The following RFPL2 variants were observed in gnomAD, a reference collection of about 807,000 sequenced individuals.
RFPL2 encodes the protein ret finger protein-like 2.
A neutral mutation model predicts 17.8 loss-of-function variants in RFPL2; 13 were observed. The ratio of observed to expected loss-of-function variants is 0.73; its 90% CI spans 0.47 to 1.16. The LOEUF (loss-of-function observed/expected upper bound fraction) is 1.16. RFPL2 is among the 50% of genes most tolerant of loss of function. The probability of loss-of-function intolerance (pLI) is 0.00; values close to 1 mark genes in which losing one functional copy is unlikely to be tolerated. For missense variants in RFPL2, 431 were observed against 479.3 expected (o/e 0.90, Z 0.94); for synonymous variants, 189 against 180.9 (o/e 1.04, Z -0.36).
At chr22:32,198,627 G>A (rs1923605073) in intron 2 of RFPL2, among the ~76,000 whole-genome samples, 1 of 151,996 alleles carries the variant, frequency 6.6e-6, no homozygotes, top group Non-Finnish European at 1.5e-5. Flanking sequence ...AAGGTACTGA[G>A]AAATTTTCTA....
In RFPL2 at chr22:32,191,355, G is replaced by C; in HGVS notation, c.557-3C>G. ...GTTGGCATCCAAGGTCATATCCACT[G>C]TGAAAAGGAAAAAAAGTTGCTCAGC... On this transcript the variant is annotated splice_region_variant and splice_polypyrimidine_tract_variant and intron_variant, in intron 4 of 4. Transcript: ENST00000652607. 5 of 1,600,186 alleles carry C rather than the reference G, an allele frequency of 3.1e-6. No homozygotes were observed. Among genetic ancestry groups the C allele is most frequent in the Non-Finnish European group, 4.3e-6 (5 of 1,171,718 alleles).
chr22:32,193,763 T>C (rs1395215471), intron 3 of RFPL2, among the ~76,000 whole-genome samples: 1 of 148,390 alleles, frequency 6.7e-6, no homozygotes, highest in Non-Finnish European at 1.5e-5. Flanking sequence ...CTTGGGAGGC[T>C]GAGGCAGGAG....
intron 2 of RFPL2, among the ~76,000 whole-genome samples, chr22:32,195,277 T>C (rs1349145861): frequency 6.6e-6 from 1 of 152,240 alleles, no homozygotes; most frequent in East Asian, 1.9e-4. Context: ...ATATGATTCC[T>C]CATGGGATTA....
In RFPL2 at chr22:32,191,162, T is replaced by C; in HGVS notation, c.747A>G (p.Thr249=). ...AGACTCCCAGGTCCCATTCTGTGCT[T>C]GTTCCCACGTCCACCTCCCAGCAGT... The part of the protein sequence containing the change: ...GRHCWEVDVG[T]STEWDLGVCR... The change falls in exon 5 of 5, where the codon ACA becomes ACG. Residue 249 remains threonine, a synonymous_variant. Coordinates refer to ENST00000652607, the MANE Select transcript of RFPL2 (RefSeq NM_001394555.1). 1 of 1,613,934 alleles carries C rather than the reference T, an allele frequency of 6.2e-7. No individual in the cohort carries two copies. The highest frequency in any genetic ancestry group is 1.7e-4 in the Middle Eastern group (1 of 6,056).
chr22:32,193,265 A>G, intron 3 of RFPL2, 73 bp from the exon 4 acceptor site: 1 of 1,612,848 alleles, frequency 6.2e-7, no homozygotes. Flanking sequence ...ACAAGTGACA[A>G]CCTTTTCATG....
In RFPL2 at chr22:32,190,524, T is replaced by C. The variant is rs144366828; in HGVS notation, c.*248A>G. On this transcript the variant is annotated 3_prime_UTR_variant, in exon 5 of 5. Transcript: ENST00000652607. ...ATAAAAAAGTAAAGCATTTGGAAAT[T>C]GATCCCAGAATACAGGACATTTCTA... The C allele has an allele frequency of 3.9e-3, 1,453 of 372,936 alleles. 6 individuals carry two copies. The highest frequency in any genetic ancestry group is 5.6e-3 in the Admixed American group (126 of 22,624). The allele number at this position is 372,936 out of a possible 1,614,324, so 23.1% of individuals were successfully genotyped here. A position where few individuals can be genotyped will look rare whatever the true frequency, so the allele number is the denominator to read the frequency against.
Position 32,193,274 on chromosome 22 carries a change from T to C in RFPL2, c.266-82A>G, listed in dbSNP as rs767825444. The C allele has an allele frequency of 2.0e-5, 33 of 1,611,156 alleles. No homozygotes were observed. The Admixed American group carries it at 3.7e-4, about 18-fold the overall frequency. ...GTTGTGACAAGTGACAACCTTTTCA[T>C]GCATAGAGGTATTGTGTTCCAGCTT... On this transcript the variant is annotated intron_variant, in intron 3 of 4. Transcript: ENST00000652607.
intron 1 of RFPL2, chr22:32,203,462 C>T (rs114471370): frequency 0.016 from 2,496 of 152,124 alleles, 75 homozygotes; most frequent in African/African-American, 0.057. Flanking sequence ...GTACTCGCCG[C>T]GGCAGTGTAG....
Position 32,190,986 on chromosome 22 carries a change from A to T in RFPL2, c.923T>A (p.Ile308Asn). 1.2e-6 allele frequency: 2 copies of T among 1,610,788 alleles called. No individual in the cohort carries two copies. The highest frequency in any genetic ancestry group is 1.7e-4 in the Middle Eastern group (1 of 6,036). ...GTTCTGCATGCCCATATCCAGAAAA[A>T]TCCCCACTCGCTGTAACTTGCGGTC... The part of the protein sequence containing the change: ...FVDRKLQRVG[I>N]FLDMGMQNVS... The change falls in exon 5 of 5, where the codon ATT becomes AAT. Residue 308 changes from isoleucine to asparagine, a missense_variant. Ile to Asn is a moderately radical substitution (Grantham distance 149, BLOSUM62 -3). Coordinates refer to ENST00000652607, the MANE Select transcript of RFPL2 (RefSeq NM_001394555.1).
At chr22:32,202,244 C>T in intron 2 of RFPL2, 89 bp downstream of exon 2, 1 of 1,495,510 alleles carries the variant, frequency 6.7e-7, no homozygotes, top group African/African-American at 1.4e-5. Context: ...ACATCTCCTC[C>T]TCTCACTGTG....
intron 1 of RFPL2, among the ~76,000 whole-genome samples, 173 bp downstream of exon 1, chr22:32,204,534 C>T (rs1483375314): frequency 1.3e-5 from 2 of 152,260 alleles, no homozygotes; most frequent in Non-Finnish European, 2.9e-5. Flanking sequence ...AACCTGTCCC[C>T]CTCCCCGCCC....
rs926906001 is a variant in RFPL2, at chr22:32,190,698, G to A, written c.*74C>T. 9.3e-6 allele frequency: 13 copies of A among 1,393,502 alleles called. No individual in the cohort carries two copies. Among genetic ancestry groups the A allele is most frequent in the African/African-American group, 2.9e-5 (2 of 69,092 alleles). 86.3% of individuals were successfully genotyped at this position (1,393,502 alleles called of 1,614,324 possible). ...CCGTGACTTTGTATAATGCTTTTAC[G>A]AAGTAGAGCGTTCCTAAGTCTACCC... On this transcript the variant is annotated 3_prime_UTR_variant, in exon 5 of 5. Transcript: ENST00000652607.
chr22:32,191,102 C>T lies in RFPL2; in HGVS notation c.807G>A (p.Gln269=). The T allele has an allele frequency of 6.2e-7, 1 of 1,614,012 alleles. No individual in the cohort carries two copies. Among genetic ancestry groups the T allele is most frequent in the Non-Finnish European group, 8.5e-7 (1 of 1,179,874 alleles). Residue 269 remains glutamine, a synonymous_variant, in exon 5 of 5, where the codon CAG becomes CAA. Transcript: ENST00000652607. ...RESVHRKGRI[Q]LTTELGFWTV... ...TCCAGAATCCAAGCTCTGTGGTCAG[C>T]TGGATCCTCCCTTTGCGGTGAACAG...
intron 3 of RFPL2, among the ~76,000 whole-genome samples, chr22:32,194,097 TA>T (rs1248076120): frequency 1.3e-5 from 2 of 150,954 alleles, no homozygotes; most frequent in Non-Finnish European, 2.9e-5. Flanking sequence ...CACCAAAAAA[TA>T]AAAAAATAAA....
intron 2 of RFPL2, among the ~76,000 whole-genome samples, chr22:32,199,306 C>T (rs1057282841): frequency 5.9e-5 from 9 of 152,084 alleles, no homozygotes; most frequent in African/African-American, 2.2e-4. Context: ...ACCCCTAGAA[C>T]CAAGAACTCC....
chr22:32,204,602 T>C (rs1288575556), intron 1 of RFPL2, among the ~76,000 whole-genome samples, 105 bp downstream of exon 1: 1 of 152,194 alleles, frequency 6.6e-6, no homozygotes, highest in Non-Finnish European at 1.5e-5. Context: ...TTCTACATTC[T>C]GGCTGCGGTC....
chr22:32,197,298 G>GC (rs1923431578), intron 2 of RFPL2, among the ~76,000 whole-genome samples: 1 of 152,118 alleles, frequency 6.6e-6, no homozygotes, highest in South Asian at 2.1e-4. Flanking sequence ...ACCCTGCATA[G>GC]CCCGGGACTG....
Position 32,204,892 on chromosome 22 carries a change from C to T in RFPL2, c.-285G>A, listed in dbSNP as rs528945125. On this transcript the variant is annotated 5_prime_UTR_variant, in exon 1 of 5. Transcript: ENST00000652607. Reference sequence around the variant, plus strand: ...ACGTTCTGACTGGATGACAGCAAGTCTTAGGATAACCAATCAGAACAAGAT... The same window carrying T: ...ACGTTCTGACTGGATGACAGCAAGTTTTAGGATAACCAATCAGAACAAGAT... Among the ~76,000 whole-genome samples, 1 of 152,206 alleles carries T rather than the reference C, an allele frequency of 6.6e-6. No homozygotes were observed. Among genetic ancestry groups the T allele is most frequent in the Non-Finnish European group, 1.5e-5 (1 of 68,030 alleles).
intron 4 of RFPL2, 92 bp from the exon 5 acceptor site, chr22:32,191,444 T>C (rs1922643748): frequency 6.9e-7 from 1 of 1,450,822 alleles, no homozygotes; most frequent in Non-Finnish European, 9.3e-7. Flanking sequence ...CTCTTGACTT[T>C]AGTTTCTTTA....
Sources: allele counts gnomAD v4.1 joint callset (sites outside exome capture counted in the v4.1 genomes callset), GRCh38; gene constraint gnomAD v4.1.1; transcripts MANE v1.5; gene names NCBI Gene and HGNC (gene_info 2026-07-23, HGNC 2026-07-21).